GNPTG: variants seen among roughly 807,000 people sequenced by gnomAD.
The protein encoded by GNPTG is N-acetylglucosamine-1-phosphate transferase subunit gamma, also known as N-acetylglucosamine-1-phosphotransferase subunit gamma.
GNPTG carries 46 observed loss-of-function variants against 43.8 expected under a neutral mutation model. The ratio of observed to expected loss-of-function variants is 1.05; its 90% CI spans 0.83 to 1.34. GNPTG has a LOEUF of 1.34. Ranked by LOEUF, GNPTG falls within the 40% of genes most tolerant of loss-of-function variation. The probability of loss-of-function intolerance (pLI) is 0.00; values close to 1 mark genes in which losing one functional copy is unlikely to be tolerated. For missense variants in GNPTG, 549 were observed against 411.3 expected, an observed-to-expected ratio of 1.33 and a Z score of -2.90; for synonymous variants, 250 against 172.8, an observed-to-expected ratio of 1.45 and a Z score of -3.50.
Position 1,362,977 on chromosome 16 carries a change from G to C in GNPTG, c.824-20G>C, listed in dbSNP as rs1478150297. On this transcript the variant is annotated intron_variant, in intron 10 of 10. Transcript: ENST00000204679. ...CACCTGTGGGTCCAGGTGAGGACTG[G>C]CCACCTGGTGTTTTGGCAGAAACTT... The C allele has an allele frequency of 1.2e-6, 2 of 1,613,832 alleles. No homozygotes were observed. Among genetic ancestry groups the C allele is most frequent in the East Asian group, 2.2e-5 (1 of 44,872 alleles).
At chr16:1,353,484 G>C (rs866080260) in intron 3 of GNPTG, among the ~76,000 whole-genome samples, 1 of 152,204 alleles carries the variant, frequency 6.6e-6, no homozygotes, top group African/African-American at 2.4e-5. Flanking sequence ...AAGCAGAGGA[G>C]GGAGTGTGTG....
At chr16:1,362,800 C>G (rs756918285) in intron 9 of GNPTG, 25 bp from the exon 10 acceptor site, 1 of 1,614,066 alleles carries the variant, frequency 6.2e-7, no homozygotes, top group South Asian at 1.1e-5. Flanking sequence ...TGGGCTTTCC[C>G]TTGAACTCTT....
rs867097744 is a variant in GNPTG at position 1,363,454 on chromosome 16, G to A, written c.*363G>A. On this transcript the variant is annotated 3_prime_UTR_variant, in exon 11 of 11. Coordinates refer to ENST00000204679, the MANE Select transcript of GNPTG (RefSeq NM_032520.5). ...ATTAATCCACTTGAGGCGTCCACGC[G>A]GAACAAGGTCTGCTGACCACAGTTA... 1.7e-5 allele frequency: 6 copies of A among 343,196 alleles called. No individual in the cohort carries two copies. Among genetic ancestry groups the A allele is most frequent in the South Asian group, 4.6e-5 (2 of 43,290 alleles). 21.3% of individuals were successfully genotyped at this position (343,196 alleles called of 1,614,324 possible). A position where few individuals can be genotyped will look rare whatever the true frequency, so the allele number is the denominator to read the frequency against.
At chr16:1,356,235 A>G (rs1158760157) in intron 3 of GNPTG, among the ~76,000 whole-genome samples, 3 of 152,126 alleles carry the variant, frequency 2.0e-5, no homozygotes, top group Non-Finnish European at 4.4e-5. Context: ...AGCTGGCAGT[A>G]AGGCCACCTG....
Position 1,351,961 on chromosome 16 carries a change from G to C in GNPTG, c.-5G>C. On this transcript the variant is annotated 5_prime_UTR_variant, in exon 1 of 11. Coordinates refer to ENST00000204679, the MANE Select transcript of GNPTG (RefSeq NM_032520.5). ...ACGTGACCGCGCGGCGGCCGCTGCG[G>C]CGCGATGGCGGCGGGGCTGGCGCGG... 2 of 1,297,246 alleles carry C rather than the reference G, an allele frequency of 1.5e-6. No homozygotes were observed. The highest frequency in any genetic ancestry group is 2.4e-5 in the South Asian group (1 of 40,926). The allele number at this position is 1,297,246 out of a possible 1,614,324, so 80.4% of individuals were successfully genotyped here. A position where few individuals can be genotyped will look rare whatever the true frequency, so the allele number is the denominator to read the frequency against.
chr16:1,360,240 T>C (rs916127601), intron 3 of GNPTG, among the ~76,000 whole-genome samples: 1 of 152,222 alleles, frequency 6.6e-6, no homozygotes, highest in Non-Finnish European at 1.5e-5. Flanking sequence ...TCTCTTAAAA[T>C]AGTTTCAGCC....
At chr16:1,355,259 TTCTG>T (rs2034757229) in intron 3 of GNPTG, among the ~76,000 whole-genome samples, 1 of 152,228 alleles carries the variant, frequency 6.6e-6, no homozygotes, top group South Asian at 2.1e-4. Flanking sequence ...TACTTGTTTT[TTCTG>T]TCTTTGATGT....
At chr16:1,356,808 C>T (rs1455031432) in intron 3 of GNPTG, among the ~76,000 whole-genome samples, 2 of 152,172 alleles carry the variant, frequency 1.3e-5, no homozygotes, top group African/African-American at 4.8e-5. Context: ...AGCCTGGGAA[C>T]GTGAGTTCCC....
rs181148746 is a variant in GNPTG, at chr16:1,363,312, C to A, written c.*221C>A. ...GTAAAAAAATTTAAACAAGTGTTAA[C>A]TTTAAACAGTTCGCTACAAGTAAAT... On this transcript the variant is annotated 3_prime_UTR_variant, in exon 11 of 11. Transcript: ENST00000204679. 1.8e-6 allele frequency: 1 copy of A among 567,130 alleles called. No individual in the cohort carries two copies. 35.1% of individuals were successfully genotyped at this position (567,130 alleles called of 1,614,324 possible).
rs1409548734 is a variant in GNPTG, at chr16:1,351,937, C to T, written c.-29C>T. ...CCGTGGTCACGTGACCGTCACTTCA[C>T]GTGACCGCGCGGCGGCCGCTGCGGC... On this transcript the variant is annotated 5_prime_UTR_variant, in exon 1 of 11. In the 5' UTR this introduces an upstream ATG that the reference lacks. Transcript: ENST00000204679. 2.3e-6 allele frequency: 3 copies of T among 1,277,924 alleles called. No homozygotes were observed. Among genetic ancestry groups the T allele is most frequent in the Non-Finnish European group, 2.9e-6 (3 of 1,019,156 alleles). The allele number at this position is 1,277,924 out of a possible 1,614,324, so 79.2% of individuals were successfully genotyped here. A position where few individuals can be genotyped will look rare whatever the true frequency, so the allele number is the denominator to read the frequency against.
At position 1,363,315 on chromosome 16, in the gene GNPTG, T is replaced by TAAAC. The variant is rs1301443794; in HGVS notation, c.*226_*229dup. Reference sequence around the variant, plus strand: ...AAAAAATTTAAACAAGTGTTAACTTTAAACAGTTCGCTACAAGTAAATGAT... The same window carrying TAAAC: ...AAAAAATTTAAACAAGTGTTAACTTTAAACAAACAGTTCGCTACAAGTAAATGAT... On this transcript the variant is annotated 3_prime_UTR_variant, in exon 11 of 11. Transcript: ENST00000204679. 3 of 560,364 alleles carry TAAAC rather than the reference T, an allele frequency of 5.4e-6. No homozygotes were observed. In the Admixed American group the frequency reaches 9.0e-5, roughly 17 times the overall value. The allele number at this position is 560,364 out of a possible 1,614,324, so 34.7% of individuals were successfully genotyped here.
chr16:1,351,933 T>C lies in GNPTG; in HGVS notation c.-33T>C, dbSNP rs2034689396. 9 of 1,276,214 alleles carry C rather than the reference T, an allele frequency of 7.1e-6. No homozygotes were observed. The highest frequency in any genetic ancestry group is 5.9e-6 in the Non-Finnish European group (6 of 1,018,248). 79.1% of individuals were successfully genotyped at this position (1,276,214 alleles called of 1,614,324 possible). ...GTCCCCGTGGTCACGTGACCGTCAC[T>C]TCACGTGACCGCGCGGCGGCCGCTG... On this transcript the variant is annotated 5_prime_UTR_variant, in exon 1 of 11. Coordinates refer to ENST00000204679, the MANE Select transcript of GNPTG (RefSeq NM_032520.5).
rs2141863918 is a variant in GNPTG, at chr16:1,362,602, C to T, written c.610-9C>T. 4 of 1,614,198 alleles carry T rather than the reference C, an allele frequency of 2.5e-6. No homozygotes were observed. Among genetic ancestry groups the T allele is most frequent in the African/African-American group, 1.3e-5 (1 of 75,062 alleles). ...AGCTGGGTGCTGCCCCTGCATCCTC[C>T]ACCTTCAGGGCCATGAGAAGTTGCT... On this transcript the variant is annotated splice_polypyrimidine_tract_variant and intron_variant, in intron 8 of 10. Transcript: ENST00000204679.
At chr16:1,360,024 G>C (rs938733884) in intron 3 of GNPTG, among the ~76,000 whole-genome samples, 1 of 152,054 alleles carries the variant, frequency 6.6e-6, no homozygotes, top group Non-Finnish European at 1.5e-5. Flanking sequence ...CGGGAAAATC[G>C]GTTGAACCCA....
Position 1,362,864 on chromosome 16 carries a change from G to C in GNPTG, c.781G>C (p.Gly261Arg), listed in dbSNP as rs371200622. The C allele has an allele frequency of 6.2e-7, 1 of 1,613,752 alleles. No individual in the cohort carries two copies. The highest frequency in any genetic ancestry group is 8.5e-7 in the Non-Finnish European group (1 of 1,179,988). The change falls in exon 10 of 11, where the codon GGT (glycine) becomes CGT (arginine). Residue 261 changes from glycine (G) to arginine (R), a missense_variant. Transcript: ENST00000204679. Reference sequence around the variant, plus strand: ...CTCAAAGGAGATCAAAAGGCTGAAAGGTTTGCTCACCCAGCACGGCATCCC... The same window carrying C: ...CTCAAAGGAGATCAAAAGGCTGAAACGTTTGCTCACCCAGCACGGCATCCC... ...ELSKEIKRLK[G>R]LLTQHGIPYT...
chr16:1,361,878 G>C lies in GNPTG; in HGVS notation c.240G>C (p.Lys80Asn). Reference sequence around the variant, plus strand: ...ATGCCATCTGTGTCCCCAGGTACAAGTATGAGTTCTGCCCGTTCCACAACG... The same window carrying C: ...ATGCCATCTGTGTCCCCAGGTACAACTATGAGTTCTGCCCGTTCCACAACG... The part of the protein sequence containing the change: ...KCFSLVESTY[K>N]YEFCPFHNVT... Residue 80 changes from lysine (K) to asparagine (N), a missense_variant, in exon 5 of 11, where the codon AAG (lysine) becomes AAC (asparagine). Transcript: ENST00000204679. 1 of 1,613,730 alleles carries C rather than the reference G, an allele frequency of 6.2e-7. No homozygotes were observed. The highest frequency in any genetic ancestry group is 8.5e-7 in the Non-Finnish European group (1 of 1,179,832).
At chr16:1,354,204 G>A (rs1567180377) in intron 3 of GNPTG, among the ~76,000 whole-genome samples, 1 of 151,894 alleles carries the variant, frequency 6.6e-6, no homozygotes, top group Non-Finnish European at 1.5e-5. Context: ...GTGTAACAGC[G>A]CAGTTCCCGA....
At position 1,351,987 on chromosome 16, in the gene GNPTG, C is replaced by T. The variant is rs1292636769; in HGVS notation, c.22C>T (p.Leu8Phe). Residue 8 changes from leucine (L) to phenylalanine (F), a missense_variant, in exon 1 of 11, where the codon CTC (leucine) becomes TTC (phenylalanine). By Grantham distance (22) the Leu-to-Phe change is conservative. Transcript: ENST00000204679. MAAGLAR[L>F]LLLLGLSAGG... Reference sequence around the variant, plus strand: ...CGCGATGGCGGCGGGGCTGGCGCGGCTCCTGTTGCTCCTCGGGCTCTCGGC... The same window carrying T: ...CGCGATGGCGGCGGGGCTGGCGCGGTTCCTGTTGCTCCTCGGGCTCTCGGC... 8 of 1,406,724 alleles carry T rather than the reference C, an allele frequency of 5.7e-6. No individual in the cohort carries two copies. The highest frequency in any genetic ancestry group is 2.5e-4 in the Middle Eastern group (1 of 3,948). The allele number at this position is 1,406,724 out of a possible 1,614,324, so 87.1% of individuals were successfully genotyped here.
At chr16:1,354,781 C>T (rs1000579651) in intron 3 of GNPTG, among the ~76,000 whole-genome samples, 1 of 152,172 alleles carries the variant, frequency 6.6e-6, no homozygotes, top group East Asian at 1.9e-4. Flanking sequence ...TTCCCAGTTT[C>T]CTGATCTTTT....
Sources: allele counts gnomAD v4.1 joint callset (sites outside exome capture counted in the v4.1 genomes callset), GRCh38; gene constraint gnomAD v4.1.1; transcripts MANE v1.5; gene names NCBI Gene and HGNC (gene_info 2026-07-23, HGNC 2026-07-21).